The following ALDH3A2 variants were observed in gnomAD, a reference collection of about 807,000 sequenced individuals.
ALDH3A2 encodes the protein aldehyde dehydrogenase 3 family member A2.
ALDH3A2 carries 36 observed loss-of-function variants against 51.3 expected under a neutral mutation model. The observed-to-expected ratio is 0.70, with a 90% CI of 0.54 to 0.93. The LOEUF is 0.93. ALDH3A2 is among the 40% of genes least tolerant of loss of function. The pLI is 0.00. For synonymous variants in ALDH3A2, 199 were observed against 219.8 expected, an observed-to-expected ratio of 0.91 and a Z score of 0.84; for missense variants, 552 against 603.1, an observed-to-expected ratio of 0.92 and a Z score of 0.89.
In ALDH3A2 at chr17:19,663,472, T is replaced by C. The variant is rs2152330699; in HGVS notation, c.1080T>C (p.Ala360=). 1 of 1,614,172 alleles carries C rather than the reference T, an allele frequency of 6.2e-7. No individual in the cohort carries two copies. Among genetic ancestry groups the C allele is most frequent in the Non-Finnish European group, 8.5e-7 (1 of 1,180,032 alleles). The change falls in exon 7 of 10, where the codon GCT becomes GCC. Residue 360 remains alanine, a synonymous_variant. Transcript: ENST00000176643. ...TAAATGAACGTGAAAAGCCTCTGGC[T>C]CTTTATGTATTTTCGCATAACCATA... is the stretch of plus-strand genomic sequence containing the variant. ...NFINEREKPL[A]LYVFSHNHKL...
At chr17:19,659,858 AAG>A (rs1555533979) in intron 5 of ALDH3A2, among the ~76,000 whole-genome samples, 7 of 151,792 alleles carry the variant, frequency 4.6e-5, no homozygotes, top group Admixed American at 2.6e-4. Context: ...AAAAAAAAAA[AAG>A]AGAAAATTAT....
At chr17:19,655,702 G>C (rs913333367) in intron 3 of ALDH3A2, among the ~76,000 whole-genome samples, 5 of 152,174 alleles carry the variant, frequency 3.3e-5, no homozygotes, top group Non-Finnish European at 4.4e-5. Flanking sequence ...TTTTGATGCT[G>C]TTATTGTCCA....
chr17:19,655,613 A>G (rs1335419596), intron 3 of ALDH3A2, among the ~76,000 whole-genome samples: 2 of 152,258 alleles, frequency 1.3e-5, no homozygotes, highest in African/African-American at 4.8e-5. Context: ...GAGATCCACA[A>G]GCCAGCTTTT....
chr17:19,648,326 T>A (rs1366234630), upstream of ALDH3A2: 1 of 152,752 alleles, frequency 6.5e-6, no homozygotes, highest in African/African-American at 2.4e-5. Flanking sequence ...GGAAGCGGAA[T>A]GGGGAGCGCT....
intron 1 of ALDH3A2, 82 bp from the exon 2 acceptor site, chr17:19,651,464 GT>G: frequency 1.8e-6 from 2 of 1,142,134 alleles, no homozygotes; most frequent in Middle Eastern, 2.6e-4. Context: ...CACTACAGGT[GT>G]ACCTGGTGTG....
chr17:19,655,804 T>A (rs1256813529), intron 3 of ALDH3A2, among the ~76,000 whole-genome samples: 1 of 152,220 alleles, frequency 6.6e-6, no homozygotes, highest in African/African-American at 2.4e-5. Context: ...CAGTAACAGA[T>A]GAGGAAATTG....
Position 19,663,378 on chromosome 17 carries a change from A to G in ALDH3A2, c.986A>G (p.Gln329Arg), listed in dbSNP as rs1239043535. 1 of 1,614,216 alleles carries G rather than the reference A, an allele frequency of 6.2e-7. No individual in the cohort carries two copies. Among genetic ancestry groups the G allele is most frequent in the African/African-American group, 1.3e-5 (1 of 75,052 alleles). The stretch of plus-strand genomic sequence containing the variant: ...GTTGATCCTAAAACCAAGGTGATGC[A>G]AGAAGAAATTTTTGGACCAATTCTT... Reference protein sequence around the residue: ...TDVDPKTKVMQEEIFGPILPI... With the variant: ...TDVDPKTKVMREEIFGPILPI... Residue 329 changes from glutamine (Q) to arginine (R), a missense_variant, in exon 7 of 10, where the codon CAA (glutamine) becomes CGA (arginine). By Grantham distance (43) the Gln-to-Arg change is conservative (BLOSUM62 1). Transcript: ENST00000176643.
intron 3 of ALDH3A2, chr17:19,655,401 C>G (rs951228101): frequency 6.6e-6 from 1 of 152,154 alleles, no homozygotes; most frequent in Non-Finnish European, 1.5e-5. Context: ...CCGCTTTGCC[C>G]CTGACCAGGG....
At chr17:19,662,789 A>G (rs2084983072) in intron 6 of ALDH3A2, among the ~76,000 whole-genome samples, 1 of 152,210 alleles carries the variant, frequency 6.6e-6, no homozygotes, top group Non-Finnish European at 1.5e-5. Flanking sequence ...GCTCCTAGAA[A>G]GACCTGTCCA....
In ALDH3A2 at chr17:19,658,748, T is replaced by TAAA. The variant is rs34082599; in HGVS notation, c.798+901_798+903dup. Among the ~76,000 whole-genome samples, 358 of 138,856 alleles carry TAAA rather than the reference T, an allele frequency of 2.6e-3. 2 individuals are homozygous for TAAA. Among genetic ancestry groups the TAAA allele is most frequent in the Non-Finnish European group, 4.2e-3 (269 of 63,912 alleles). 91.1% of individuals were successfully genotyped at this position (138,856 alleles called of 152,430 possible). On this transcript the variant is annotated intron_variant, in intron 5 of 9. Transcript: ENST00000176643. The stretch of plus-strand genomic sequence containing the variant: ...GGGCGACAGAGCAAGACTCTGTCTT[T>TAAA]AAAAAAAAAAAAAAAAAGAAGAATG...
chr17:19,669,836 C>T (rs2152332632), intron 8 of ALDH3A2, among the ~76,000 whole-genome samples: 1 of 152,248 alleles, frequency 6.6e-6, no homozygotes, highest in East Asian at 1.9e-4. Flanking sequence ...GGCGGGGTCT[C>T]ACTGTGTTGC....
At chr17:19,652,492 G>A (rs2084829300) in intron 2 of ALDH3A2, 55 bp from the exon 3 acceptor site, 1 of 1,345,842 alleles carries the variant, frequency 7.4e-7, no homozygotes. Context: ...CATCATTTTG[G>A]TAGCTATTAA....
intron 1 of ALDH3A2, 171 bp downstream of exon 1, chr17:19,649,295 C>T (rs1385260046): frequency 1.2e-6 from 1 of 848,892 alleles, no homozygotes; most frequent in African/African-American, 1.7e-5. Flanking sequence ...TTTCCCGGTC[C>T]TCTAGCACTC....
rs1313713076 is a variant in ALDH3A2, at chr17:19,656,502, C to A, written c.608C>A (p.Pro203His). 2 of 1,614,058 alleles carry A rather than the reference C, an allele frequency of 1.2e-6. No individual in the cohort carries two copies. The highest frequency in any genetic ancestry group is 2.7e-5 in the African/African-American group (2 of 74,924). Residue 203 changes from proline (P) to histidine (H), a missense_variant, in exon 4 of 10, where the codon CCT becomes CAT. Pro to His is a moderately conservative substitution (Grantham distance 77). Coordinates refer to ENST00000176643, the MANE Select transcript of ALDH3A2 (RefSeq NM_000382.3). ...GAAGCTGCTGCCAAGCATCTGACCC[C>A]TGTGACTCTTGAACTGGGAGGGAAA... ...VMEAAAKHLTPVTLELGGKSP... is the reference protein window; with the variant it reads ...VMEAAAKHLTHVTLELGGKSP...
Position 19,675,612 on chromosome 17 carries a change from TA to T in ALDH3A2, c.*41del, listed in dbSNP as rs761078495. The T allele has an allele frequency of 1.1e-5, 17 of 1,593,154 alleles. No homozygotes were observed. The Admixed American group carries it at 2.3e-4, about 22-fold the overall frequency. Reference sequence around the variant, plus strand: ...CAACCTCCTAGTGCCTCTACTGAATTATTCCTCTTTTAAATGGTTAATGAAC... The same window carrying T: ...CAACCTCCTAGTGCCTCTACTGAATTTTCCTCTTTTAAATGGTTAATGAAC... On this transcript the variant is annotated 3_prime_UTR_variant, in exon 10 of 10. Transcript: ENST00000176643.
chr17:19,657,714 TATA>T, intron 4 of ALDH3A2, 28 bp from the exon 5 acceptor site: 1 of 1,404,546 alleles, frequency 7.1e-7, no homozygotes, highest in Non-Finnish European at 1.0e-6. Context: ...ATTACTGAAT[TATA>T]TAGCTGTTCT....
chr17:19,658,397 C>T (rs2084924988), intron 5 of ALDH3A2, among the ~76,000 whole-genome samples: 1 of 151,606 alleles, frequency 6.6e-6, no homozygotes, highest in African/African-American at 2.4e-5. Context: ...AGTCCTAAGC[C>T]AAGACTTGAA....
intron 3 of ALDH3A2, 73 bp downstream of exon 3, chr17:19,652,705 G>T: frequency 1.6e-6 from 2 of 1,281,256 alleles, no homozygotes; most frequent in Non-Finnish European, 2.3e-6. Context: ...TCTTGCTATT[G>T]CATGTTATTG....
At position 19,653,438 on chromosome 17, in the gene ALDH3A2, C is replaced by T. The variant is rs566322269; in HGVS notation, c.471+806C>T. On this transcript the variant is annotated intron_variant, in intron 3 of 9. Coordinates refer to ENST00000176643, the MANE Select transcript of ALDH3A2 (RefSeq NM_000382.3). ...TTACAGTTCTTAAAGATGGTGTGTC[C>T]GGAGTTTGTTTCTTCTGATGTTCGG... Among the ~76,000 whole-genome samples, 299 of 152,166 alleles carry T rather than the reference C, an allele frequency of 2.0e-3. 1 individual carries two copies. The highest frequency in any genetic ancestry group is 6.8e-3 in the African/African-American group (281 of 41,508).
Sources: allele counts gnomAD v4.1 joint callset (sites outside exome capture counted in the v4.1 genomes callset), GRCh38; gene constraint gnomAD v4.1.1; transcripts MANE v1.5; gene names NCBI Gene and HGNC (gene_info 2026-07-23, HGNC 2026-07-21).